The following NKAIN2 variants were observed in gnomAD, a reference collection of about 807,000 sequenced individuals.
NKAIN2 encodes sodium/potassium transporting ATPase interacting 2.
In NKAIN2, 14 loss-of-function variants were observed where a neutral mutation model predicts 32.6. The observed-to-expected ratio is 0.43, with a 90% CI of 0.28 to 0.67. The LOEUF is 0.67. Among genes scored for constraint, NKAIN2 ranks in the 30% least tolerant of loss-of-function variants. The pLI is 0.17. For missense variants in NKAIN2, 198 were observed against 258.3 expected, an observed-to-expected ratio of 0.77 and a Z score of 1.60; for synonymous variants, 80 against 87.2, an observed-to-expected ratio of 0.92 and a Z score of 0.46.
At chr6:124,152,036 A>G (rs931910329) in intron 1 of NKAIN2, among the ~76,000 whole-genome samples, 1 of 151,836 alleles carries the variant, frequency 6.6e-6, no homozygotes, top group African/African-American at 2.4e-5. Context: ...TGCTTTCTCA[A>G]TGCCATGGAG....
chr6:124,634,381 G>GA (rs1170437698), intron 3 of NKAIN2, among the ~76,000 whole-genome samples: 1 of 152,064 alleles, frequency 6.6e-6, no homozygotes, highest in Non-Finnish European at 1.5e-5. Flanking sequence ...ATCTGACTGA[G>GA]AAATTCAACA....
At chr6:124,752,231 T>A (rs1375262323) in intron 4 of NKAIN2, among the ~76,000 whole-genome samples, 1 of 152,014 alleles carries the variant, frequency 6.6e-6, no homozygotes, top group Non-Finnish European at 1.5e-5. Context: ...ATATTGCTCT[T>A]GGTGGAGCAC....
chr6:124,053,344 G>A (rs1410647229), intron 1 of NKAIN2, among the ~76,000 whole-genome samples: 3 of 151,996 alleles, frequency 2.0e-5, no homozygotes, highest in Admixed American at 2.0e-4. Context: ...GAGGTGAGGT[G>A]GAAAACGGTT....
chr6:124,421,557 A>G (rs1158146756), intron 3 of NKAIN2, among the ~76,000 whole-genome samples: 1 of 152,212 alleles, frequency 6.6e-6, no homozygotes, highest in Non-Finnish European at 1.5e-5. Context: ...TAGGTTCTAC[A>G]GTAAATAAGT....
intron 2 of NKAIN2, among the ~76,000 whole-genome samples, chr6:124,296,321 A>C (rs192337498): frequency 1.3e-5 from 2 of 152,260 alleles, no homozygotes; most frequent in Admixed American, 6.5e-5. Context: ...AGAGGAAAAA[A>C]TTCTCAGTTA....
At chr6:124,206,607 C>T (rs1052549143) in intron 1 of NKAIN2, among the ~76,000 whole-genome samples, 5 of 151,820 alleles carry the variant, frequency 3.3e-5, no homozygotes, top group Admixed American at 6.6e-5. Flanking sequence ...GAACTTGAAT[C>T]ATCATCCACA....
intron 1 of NKAIN2, among the ~76,000 whole-genome samples, chr6:124,003,298 C>T (rs950223912): frequency 6.6e-6 from 1 of 152,118 alleles, no homozygotes; most frequent in African/African-American, 2.4e-5. Context: ...TTCTAAAAAG[C>T]ATTCCTGGTA....
intron 2 of NKAIN2, among the ~76,000 whole-genome samples, chr6:124,310,919 CA>C (rs1486520012): frequency 6.6e-6 from 1 of 152,106 alleles, no homozygotes; most frequent in East Asian, 1.9e-4. Flanking sequence ...GTTGGTTTCA[CA>C]GTGTTTGCAA....
At chr6:124,064,838 A>C (rs1052557035) in intron 1 of NKAIN2, among the ~76,000 whole-genome samples, 1 of 152,020 alleles carries the variant, frequency 6.6e-6, no homozygotes, top group East Asian at 1.9e-4. Flanking sequence ...CCTCTCTTTC[A>C]GGTTTTATAA....
intron 4 of NKAIN2, among the ~76,000 whole-genome samples, chr6:124,788,013 AGT>A (rs1226435333): frequency 4.6e-5 from 7 of 152,110 alleles, no homozygotes; most frequent in Admixed American, 4.6e-4. Context: ...AACACATGAA[AGT>A]GTCCAATCTA....
intron 4 of NKAIN2, among the ~76,000 whole-genome samples, chr6:124,669,957 C>T (rs1227380432): frequency 6.6e-6 from 1 of 151,996 alleles, no homozygotes; most frequent in Non-Finnish European, 1.5e-5. Flanking sequence ...GGATAAATAT[C>T]ATCATCCCCA....
intron 5 of NKAIN2, among the ~76,000 whole-genome samples, chr6:124,801,195 G>C (rs1329451194): frequency 6.6e-6 from 1 of 152,072 alleles, no homozygotes; most frequent in African/African-American, 2.4e-5. Context: ...AACTCACTTA[G>C]TAAAATCAAT....
intron 1 of NKAIN2, among the ~76,000 whole-genome samples, chr6:124,106,574 G>A (rs6900588): frequency 0.062 from 9,447 of 152,150 alleles, 958 homozygotes; most frequent in African/African-American, 0.21. Context: ...TAGGAAAGGC[G>A]GAATGATTTA....
intron 1 of NKAIN2, among the ~76,000 whole-genome samples, chr6:124,146,178 A>G (rs1195154339): frequency 1.3e-5 from 2 of 152,214 alleles, no homozygotes; most frequent in Non-Finnish European, 2.9e-5. Context: ...TAAAAATGCC[A>G]ATTTATAAAG....
intron 4 of NKAIN2, among the ~76,000 whole-genome samples, chr6:124,763,496 C>T (rs1285524217): frequency 1.3e-5 from 2 of 152,174 alleles, no homozygotes; most frequent in African/African-American, 4.8e-5. Context: ...CACAAGAACT[C>T]AGTCACTATC....
chr6:124,188,147 A>G (rs1201121139), intron 1 of NKAIN2, among the ~76,000 whole-genome samples: 1 of 152,178 alleles, frequency 6.6e-6, no homozygotes, highest in African/African-American at 2.4e-5. Flanking sequence ...AAAATTTTAA[A>G]CCTAGTGATT....
At chr6:124,093,794 C>T (rs540260570) in intron 1 of NKAIN2, among the ~76,000 whole-genome samples, 1 of 152,168 alleles carries the variant, frequency 6.6e-6, no homozygotes, top group African/African-American at 2.4e-5. Flanking sequence ...AAGATGAGAA[C>T]ACCTGCAGCC....
chr6:124,716,207 T>C (rs947916524), intron 4 of NKAIN2, among the ~76,000 whole-genome samples: 1 of 152,230 alleles, frequency 6.6e-6, no homozygotes, highest in South Asian at 2.1e-4. Context: ...TTTTAGATAA[T>C]AGACATTCCT....
chr6:124,789,492 A>G (rs891106954), intron 4 of NKAIN2, among the ~76,000 whole-genome samples: 1 of 152,016 alleles, frequency 6.6e-6, no homozygotes, highest in Admixed American at 6.6e-5. Context: ...CCAAGTACCA[A>G]TGACAAGCAC....
Sources: gnomAD v4.1 joint callset for allele counts (sites outside exome capture counted in the v4.1 genomes callset) on GRCh38, gnomAD v4.1.1 for gene constraint, MANE v1.5 for transcripts, NCBI Gene and HGNC (gene_info 2026-07-23, HGNC 2026-07-21) for gene names.